The following TNS1 variants were observed in gnomAD, a reference collection of about 807,000 sequenced individuals.
TNS1 encodes the protein tensin 1, also known as tensin-1.
In TNS1, 62 loss-of-function variants were observed where a neutral mutation model predicts 168.6. The observed-to-expected ratio is 0.37, with a 90% CI of 0.30 to 0.45. TNS1 has a LOEUF of 0.45. TNS1 is among the 20% of genes least tolerant of loss of function. The pLI is 1.00. For synonymous variants in TNS1, 934 were observed against 933.2 expected, an observed-to-expected ratio of 1.00 and a Z score of -0.02; for missense variants, 2,240 against 2,339.4, an observed-to-expected ratio of 0.96 and a Z score of 0.88.
intron 9 of TNS1, among the ~76,000 whole-genome samples, chr2:217,894,347 G>A (rs982838233): frequency 4.6e-5 from 7 of 152,114 alleles, no homozygotes; most frequent in Admixed American, 2.6e-4. Context: ...CACAGCCCCC[G>A]AGCAAACAGA....
At chr2:217,980,253 C>T (rs143792550) in intron 2 of TNS1, among the ~76,000 whole-genome samples, 44 of 152,250 alleles carry the variant, frequency 2.9e-4, no homozygotes, top group African/African-American at 9.9e-4. Flanking sequence ...TCCACCCTGG[C>T]CACAGCAGGA....
chr2:217,903,817 G>A (rs1234450068), intron 6 of TNS1: 1 of 527,972 alleles, frequency 1.9e-6, no homozygotes, highest in Non-Finnish European at 3.3e-6. Context: ...GTGGCTCAAG[G>A]TCTATGACCC....
At chr2:217,900,589 A>T (rs1009570763) in intron 6 of TNS1, 77 bp from the exon 7 acceptor site, 10 of 1,391,074 alleles carry the variant, frequency 7.2e-6, no homozygotes, top group Middle Eastern at 3.5e-4. Context: ...AGAGCTGTCC[A>T]CGGGGGCAAA....
chr2:217,985,807 G>T (rs1958180577), intron 2 of TNS1, among the ~76,000 whole-genome samples: 1 of 152,104 alleles, frequency 6.6e-6, no homozygotes, highest in Non-Finnish European at 1.5e-5. Context: ...TCAGAGTGGG[G>T]ATTTGAATCA....
intron 9 of TNS1, among the ~76,000 whole-genome samples, chr2:217,894,782 T>C (rs543585731): frequency 1.1e-3 from 163 of 152,274 alleles, no homozygotes; most frequent in African/African-American, 3.8e-3. Context: ...TTCTGTGTAC[T>C]CCCCAGCAGG....
chr2:217,855,434 C>T (rs1180137407), intron 18 of TNS1, among the ~76,000 whole-genome samples: 2 of 152,226 alleles, frequency 1.3e-5, no homozygotes, highest in Non-Finnish European at 1.5e-5. Flanking sequence ...TAAACCTCTA[C>T]GGTGCTCCTG....
chr2:218,018,264 G>A (rs1958779817), intron 1 of TNS1, among the ~76,000 whole-genome samples: 1 of 152,184 alleles, frequency 6.6e-6, no homozygotes, highest in Non-Finnish European at 1.5e-5. Flanking sequence ...GGCCAGAGAG[G>A]CCTCTCTTTT....
At chr2:217,837,925 C>T (rs1398416281) in intron 19 of TNS1, among the ~76,000 whole-genome samples, 2 of 152,222 alleles carry the variant, frequency 1.3e-5, no homozygotes, top group Non-Finnish European at 2.9e-5. Flanking sequence ...GCCTTAGCTC[C>T]CCGGAGCCCC....
At position 217,900,443 on chromosome 2, in the gene TNS1, C is replaced by T. The variant is rs993610415; in HGVS notation, c.371+20G>A. 4 of 1,534,430 alleles carry T rather than the reference C, an allele frequency of 2.6e-6. No homozygotes were observed. The highest frequency in any genetic ancestry group is 3.5e-6 in the Non-Finnish European group (4 of 1,146,512). On this transcript the variant is annotated intron_variant, in intron 7 of 32. Coordinates refer to ENST00000682258, the MANE Select transcript of TNS1 (RefSeq NM_001387777.1). Reference sequence around the variant, plus strand: ...CCCCTGCTTGCACTCCCGCCCCCTGCCCCCACGGGCCAGGCATACCTGATG... The same window carrying T: ...CCCCTGCTTGCACTCCCGCCCCCTGTCCCCACGGGCCAGGCATACCTGATG...
intron 2 of TNS1, among the ~76,000 whole-genome samples, chr2:217,983,636 T>G (rs998023308): frequency 6.6e-6 from 1 of 152,212 alleles, no homozygotes; most frequent in African/African-American, 2.4e-5. Context: ...CTAAATGGCC[T>G]TTTCCTCCTG....
chr2:218,011,472 C>A (rs1332948755), upstream of TNS1, among the ~76,000 whole-genome samples: 5 of 152,284 alleles, frequency 3.3e-5, no homozygotes, highest in African/African-American at 1.2e-4. Flanking sequence ...GCCAGGGGGC[C>A]TCTTCCGCAG....
intron 19 of TNS1, among the ~76,000 whole-genome samples, chr2:217,838,473 G>A (rs1050083566): frequency 1.2e-4 from 18 of 152,244 alleles, no homozygotes; most frequent in African/African-American, 1.7e-4. Context: ...AGAATGGCAC[G>A]TGGGAGCATG....
chr2:217,884,198 A>C (rs1950969207), intron 16 of TNS1, among the ~76,000 whole-genome samples: 1 of 129,898 alleles, frequency 7.7e-6, no homozygotes, highest in South Asian at 2.5e-4. Flanking sequence ...TGGGCAGATG[A>C]ATGAATATGT....
At chr2:217,974,124 T>C (rs1957834519) in intron 3 of TNS1, among the ~76,000 whole-genome samples, 1 of 152,194 alleles carries the variant, frequency 6.6e-6, no homozygotes, top group Admixed American at 6.5e-5. Flanking sequence ...GCAATTACCT[T>C]TGGGGTATAT....
At chr2:217,967,260 G>A (rs958236350) in intron 3 of TNS1, among the ~76,000 whole-genome samples, 2 of 152,200 alleles carry the variant, frequency 1.3e-5, no homozygotes, top group African/African-American at 4.8e-5. Context: ...GGCGGAGCTT[G>A]CAGTGAGCCG....
chr2:217,886,480 A>C (rs1256115981), intron 13 of TNS1, 54 bp downstream of exon 13: 8 of 1,399,370 alleles, frequency 5.7e-6, no homozygotes, highest in Non-Finnish European at 7.9e-6. Context: ...AGAAGATGGA[A>C]GATGAAAGGG....
intron 24 of TNS1, among the ~76,000 whole-genome samples, chr2:217,817,208 C>T (rs1018717392): frequency 3.9e-5 from 6 of 152,048 alleles, no homozygotes; most frequent in African/African-American, 9.7e-5. Context: ...TTTGGGGTGG[C>T]GTGGCCTGGA....
At chr2:217,910,822 TC>T (rs1439423401) in intron 4 of TNS1, among the ~76,000 whole-genome samples, 2 of 150,674 alleles carry the variant, frequency 1.3e-5, no homozygotes, top group Admixed American at 6.6e-5. Flanking sequence ...AGACATCATC[TC>T]CTCCATCCCC....
intron 4 of TNS1, among the ~76,000 whole-genome samples, chr2:217,913,084 C>T (rs1215432250): frequency 6.6e-6 from 1 of 152,126 alleles, no homozygotes; most frequent in Non-Finnish European, 1.5e-5. Flanking sequence ...GAAGTGGGAG[C>T]CGATGGGTGA....
Sources: gnomAD v4.1 joint callset for allele counts (sites outside exome capture counted in the v4.1 genomes callset) on GRCh38, gnomAD v4.1.1 for gene constraint, MANE v1.5 for transcripts, NCBI Gene and HGNC (gene_info 2026-07-23, HGNC 2026-07-21) for gene names.